The following AGBL4 variants were observed in gnomAD, a reference collection of about 807,000 sequenced individuals.
AGBL4 encodes the protein cytosolic carboxypeptidase 6.
Under a neutral mutation model 66.4 loss-of-function variants are expected in AGBL4, and 58 were observed. That is an observed-to-expected ratio of 0.87 (90% CI 0.71 to 1.09). The LOEUF is 1.09. Ranked by LOEUF, AGBL4 falls within the 50% of genes least tolerant of loss-of-function variation. AGBL4 has a pLI of 0.00. For missense variants in AGBL4, 579 were observed against 631.0 expected (o/e 0.92, Z 0.88); for synonymous variants, 234 against 222.9 (o/e 1.05, Z -0.44).
At chr1:49,053,129 T>C (rs1208280321) in intron 4 of AGBL4, among the ~76,000 whole-genome samples, 4 of 152,154 alleles carry the variant, frequency 2.6e-5, no homozygotes, top group African/African-American at 7.2e-5. Flanking sequence ...TCATGCTCTT[T>C]CTTGGTTGGG....
intron 12 of AGBL4, among the ~76,000 whole-genome samples, chr1:48,536,735 T>C (rs1643977658): frequency 6.6e-6 from 1 of 152,178 alleles, no homozygotes; most frequent in African/African-American, 2.4e-5. Flanking sequence ...GAGGCCACAC[T>C]CATGCTCTGT....
At chr1:49,641,812 G>A (rs1023977742) in intron 3 of AGBL4, among the ~76,000 whole-genome samples, 10 of 151,920 alleles carry the variant, frequency 6.6e-5, no homozygotes, top group Admixed American at 5.9e-4. Context: ...TACATGCTAT[G>A]TGCTAGTCTT....
At chr1:48,770,794 G>T (rs1317928923) in intron 6 of AGBL4, among the ~76,000 whole-genome samples, 2 of 152,138 alleles carry the variant, frequency 1.3e-5, no homozygotes, top group Non-Finnish European at 2.9e-5. Flanking sequence ...ATTACAACCA[G>T]TCAGTTACTA....
At chr1:49,475,898 T>G (rs1168353474) in intron 3 of AGBL4, among the ~76,000 whole-genome samples, 1 of 152,090 alleles carries the variant, frequency 6.6e-6, no homozygotes, top group Non-Finnish European at 1.5e-5. Context: ...TGCTGAACCT[T>G]TGTATAATTT....
intron 1 of AGBL4, among the ~76,000 whole-genome samples, chr1:49,904,345 A>G (rs987216501): frequency 5.9e-5 from 9 of 152,164 alleles, no homozygotes; most frequent in African/African-American, 2.2e-4. Flanking sequence ...AAACTCAAAA[A>G]TACATTTTAG....
intron 4 of AGBL4, among the ~76,000 whole-genome samples, chr1:49,122,403 G>T (rs1013670385): frequency 1.3e-5 from 2 of 152,062 alleles, no homozygotes; most frequent in African/African-American, 4.8e-5. Flanking sequence ...CTTAACAGTT[G>T]ATGGCTTCCT....
Position 49,836,566 on chromosome 1 carries a change from G to A in AGBL4, c.157+14830C>T, listed in dbSNP as rs1645855164. On this transcript the variant is annotated intron_variant, in intron 2 of 13. Coordinates refer to ENST00000371839, the MANE Select transcript of AGBL4 (RefSeq NM_032785.4). ...AGTTTATTATTACCCACCTTCTGAAGCCTACTTCTGTCAATTCATCAAACT... is the reference window on the plus strand; with the variant it reads ...AGTTTATTATTACCCACCTTCTGAAACCTACTTCTGTCAATTCATCAAACT... 2.6e-5 allele frequency among the ~76,000 whole-genome samples: 4 copies of A among 152,130 alleles called. No homozygotes were observed. The South Asian group carries it at 8.3e-4, about 32-fold the overall frequency.
At chr1:49,192,110 C>T (rs1022586223) in intron 4 of AGBL4, among the ~76,000 whole-genome samples, 2 of 152,248 alleles carry the variant, frequency 1.3e-5, no homozygotes, top group Admixed American at 6.5e-5. Context: ...TGCAACCTCA[C>T]CAGCATCTGT....
intron 3 of AGBL4, among the ~76,000 whole-genome samples, chr1:49,542,811 T>G (rs1240459168): frequency 7.1e-6 from 1 of 140,542 alleles, no homozygotes; most frequent in African/African-American, 2.7e-5. Flanking sequence ...GGCAGGAGAA[T>G]CCTTTGAAAC....
At chr1:49,281,835 C>T (rs892987217) in intron 3 of AGBL4, among the ~76,000 whole-genome samples, 5 of 152,186 alleles carry the variant, frequency 3.3e-5, no homozygotes, top group African/African-American at 4.8e-5. Flanking sequence ...AAGCCCCAAA[C>T]CCTTTTCTAT....
chr1:48,808,731 G>A (rs567833361), intron 6 of AGBL4, among the ~76,000 whole-genome samples: 4 of 152,296 alleles, frequency 2.6e-5, no homozygotes, highest in Admixed American at 6.5e-5. Flanking sequence ...CATGGCCAGC[G>A]AGTCAGCACA....
intron 2 of AGBL4, among the ~76,000 whole-genome samples, chr1:49,739,679 G>A (rs192992104): frequency 6.6e-6 from 1 of 152,324 alleles, no homozygotes; most frequent in East Asian, 1.9e-4. Flanking sequence ...ACATAGGGAA[G>A]CCCATCAGAC....
At chr1:49,379,101 A>G (rs556505924) in intron 3 of AGBL4, among the ~76,000 whole-genome samples, 1 of 152,178 alleles carries the variant, frequency 6.6e-6, no homozygotes, top group South Asian at 2.1e-4. Flanking sequence ...ATAGTGTGGA[A>G]GCATCAGGGG....
intron 6 of AGBL4, chr1:48,759,320 C>T: frequency 1.3e-6 from 2 of 1,537,864 alleles, no homozygotes; most frequent in Non-Finnish European, 1.8e-6. Flanking sequence ...CAGGCAAGGG[C>T]AGCTGGGATT....
chr1:49,832,145 C>T (rs565016914), intron 2 of AGBL4, among the ~76,000 whole-genome samples: 1 of 151,922 alleles, frequency 6.6e-6, no homozygotes. Flanking sequence ...ATCCCTCCCC[C>T]CTTCCCCCAC....
chr1:48,805,644 A>AT (rs1283027252), intron 6 of AGBL4, among the ~76,000 whole-genome samples: 1 of 152,100 alleles, frequency 6.6e-6, no homozygotes, highest in Non-Finnish European at 1.5e-5. Flanking sequence ...CAACTGTGTG[A>AT]TTTTCCAGCT....
intron 6 of AGBL4, among the ~76,000 whole-genome samples, chr1:48,842,246 A>G (rs77375075): frequency 2.1e-4 from 32 of 152,238 alleles, no homozygotes; most frequent in Non-Finnish European, 4.0e-4. Flanking sequence ...ATCTTTTGAA[A>G]TGGCTTCCTT....
intron 1 of AGBL4, among the ~76,000 whole-genome samples, chr1:49,896,072 C>A (rs1010049773): frequency 6.6e-6 from 1 of 151,738 alleles, no homozygotes. Context: ...CAAAATAGAG[C>A]AGGAGTAGGT....
rs1571069350 is a variant in AGBL4 at position 49,569,787 on chromosome 1, C to T, written c.282+127526G>A. On this transcript the variant is annotated intron_variant, in intron 3 of 13. Coordinates refer to ENST00000371839, the MANE Select transcript of AGBL4 (RefSeq NM_032785.4). Reference sequence around the variant, plus strand: ...TTGTCTATCATTCCACTCTCTATATCCATATGTATACATTATTTAGCTCTC... The same window carrying T: ...TTGTCTATCATTCCACTCTCTATATTCATATGTATACATTATTTAGCTCTC... Among the ~76,000 whole-genome samples, 5 of 152,186 alleles carry T rather than the reference C, an allele frequency of 3.3e-5. 1 individual carries two copies. Among genetic ancestry groups the T allele is most frequent in the African/African-American group, 1.2e-4 (5 of 41,552 alleles).
Sources: allele counts gnomAD v4.1 joint callset (sites outside exome capture counted in the v4.1 genomes callset), GRCh38; gene constraint gnomAD v4.1.1; transcripts MANE v1.5; gene names NCBI Gene and HGNC (gene_info 2026-07-23, HGNC 2026-07-21).